The following FBXO42 variants were observed in gnomAD, a reference collection of about 807,000 sequenced individuals.
FBXO42 encodes the protein F-box only protein 42.
In FBXO42, 12 loss-of-function variants were observed where a neutral mutation model predicts 71.7. The ratio of observed to expected loss-of-function variants is 0.17; its 90% CI spans 0.11 to 0.27. FBXO42 has a LOEUF of 0.27. FBXO42 is among the 10% of genes least tolerant of loss of function. The pLI, the probability that FBXO42 is intolerant of heterozygous loss-of-function variation, is 1.00. For synonymous variants in FBXO42, 325 were observed against 327.5 expected (o/e 0.99, Z 0.08); for missense variants, 707 against 911.9 (o/e 0.78, Z 2.89).
At chr1:16,350,745 A>AT (rs2082692650) in intron 1 of FBXO42, among the ~76,000 whole-genome samples, 1 of 21,104 alleles carries the variant, frequency 4.7e-5, no homozygotes, top group Non-Finnish European at 1.3e-4. Context: ...AGAAACTGCA[A>AT]AAAAAAAAAA....
At chr1:16,340,031 G>T (rs1036299088) in intron 1 of FBXO42, among the ~76,000 whole-genome samples, 1 of 152,052 alleles carries the variant, frequency 6.6e-6, no homozygotes, top group Non-Finnish European at 1.5e-5. Flanking sequence ...CAAAAAATTA[G>T]CCAGGCGTGG....
At chr1:16,278,885 T>C (rs1489440510) in intron 4 of FBXO42, among the ~76,000 whole-genome samples, 1 of 152,112 alleles carries the variant, frequency 6.6e-6, no homozygotes, top group Non-Finnish European at 1.5e-5. Flanking sequence ...TTCAACCGAT[T>C]CTCCTGCCTC....
chr1:16,326,040 G>C (rs183482299), intron 1 of FBXO42, among the ~76,000 whole-genome samples: 350 of 150,384 alleles, frequency 2.3e-3, no homozygotes, highest in African/African-American at 7.8e-3. Flanking sequence ...GTGTGTGTGT[G>C]TGTGTGTGTC....
At chr1:16,301,688 A>AC (rs1491167118) in intron 3 of FBXO42, among the ~76,000 whole-genome samples, 3 of 79,018 alleles carry the variant, frequency 3.8e-5, no homozygotes, top group African/African-American at 1.1e-4. Context: ...AAAAAACAAC[A>AC]AAAAAAAAAG....
Position 16,311,504 on chromosome 1 carries a change from ATAT to A in FBXO42, c.250+3662_250+3664del, listed in dbSNP as rs1432213774. 8.7e-3 allele frequency among the ~76,000 whole-genome samples: 432 copies of A among 49,598 alleles called. 3 individuals carry two copies. The highest frequency in any genetic ancestry group is 0.028 in the African/African-American group (393 of 14,020). The allele number at this position is 49,598 out of a possible 152,430, so 32.5% of individuals were successfully genotyped here. ...TCTTGTCTCAAAAAAAAAAAAAAAA[ATAT>A]ATATATATATATATATATATACATA... On this transcript the variant is annotated intron_variant, in intron 2 of 9. Transcript: ENST00000375592.
chr1:16,321,370 A>G (rs1339281259), intron 1 of FBXO42, among the ~76,000 whole-genome samples: 2 of 152,184 alleles, frequency 1.3e-5, no homozygotes, highest in Non-Finnish European at 2.9e-5. Context: ...TATTCCCCCA[A>G]GGATATAGAG....
At chr1:16,346,730 T>C (rs1569956643) in intron 1 of FBXO42, among the ~76,000 whole-genome samples, 1 of 145,586 alleles carries the variant, frequency 6.9e-6, no homozygotes, top group African/African-American at 2.5e-5. Context: ...GTTACTAAGC[T>C]AAATTACTGT....
intron 3 of FBXO42, among the ~76,000 whole-genome samples, chr1:16,296,108 A>G (rs2082126331): frequency 6.6e-6 from 1 of 152,246 alleles, no homozygotes; most frequent in African/African-American, 2.4e-5. Context: ...GAAAAGATGC[A>G]TGAGTGCTAA....
chr1:16,298,054 CT>C (rs2082150212), intron 3 of FBXO42, among the ~76,000 whole-genome samples: 2 of 151,632 alleles, frequency 1.3e-5, no homozygotes, highest in Admixed American at 1.3e-4. Context: ...GGTGAAACCC[CT>C]CTCTACTAAA....
intron 3 of FBXO42, among the ~76,000 whole-genome samples, chr1:16,297,400 G>A (rs1422046122): frequency 6.6e-6 from 1 of 152,150 alleles, no homozygotes; most frequent in Admixed American, 6.6e-5. Context: ...CAGTGGAAGG[G>A]TTAAATCCAA....
intron 2 of FBXO42, among the ~76,000 whole-genome samples, chr1:16,311,052 C>T (rs1297606127): frequency 6.8e-6 from 1 of 147,058 alleles, no homozygotes; most frequent in Non-Finnish European, 1.5e-5. Flanking sequence ...CAACGCCGGG[C>T]ACGGTGGCTC....
intron 4 of FBXO42, among the ~76,000 whole-genome samples, chr1:16,277,379 T>G (rs913868138): frequency 2.0e-5 from 3 of 152,172 alleles, no homozygotes; most frequent in Non-Finnish European, 4.4e-5. Context: ...TCATTCTTTT[T>G]TTTTCTTTTT....
chr1:16,343,077 T>C (rs2082621873), intron 1 of FBXO42, among the ~76,000 whole-genome samples: 1 of 152,176 alleles, frequency 6.6e-6, no homozygotes, highest in African/African-American at 2.4e-5. Context: ...TAATCTCAGG[T>C]ATTCTTTACA....
chr1:16,302,753 G>A (rs183236014), intron 3 of FBXO42, among the ~76,000 whole-genome samples: 387 of 152,274 alleles, frequency 2.5e-3, no homozygotes, highest in Non-Finnish European at 4.1e-3. Context: ...CAAGTGATCC[G>A]CCCTCCTCAG....
intron 6 of FBXO42, among the ~76,000 whole-genome samples, chr1:16,254,934 T>G (rs762876803): frequency 3.6e-4 from 55 of 152,358 alleles, no homozygotes; most frequent in Non-Finnish European, 4.6e-4. Flanking sequence ...TTTTTTTCTT[T>G]TCTTTCCTTC....
chr1:16,275,835 C>A (rs1445131720), intron 4 of FBXO42, among the ~76,000 whole-genome samples: 1 of 151,744 alleles, frequency 6.6e-6, no homozygotes, highest in African/African-American at 2.4e-5. Context: ...ATGGCAAAAC[C>A]CCGTCTCTAC....
Position 16,251,045 on chromosome 1 carries a change from C to G in FBXO42, c.1779G>C (p.Leu593Phe). ...GGATGGGCACTGTTTCTCCACTGCT[C>G]AAACTCTGGCTCCCAGGAGAGCCTG... Reference protein sequence around the residue: ...SSPGSPGSQSLSSGETVPIPR... With the variant: ...SSPGSPGSQSFSSGETVPIPR... The change falls in exon 10 of 10, where the codon TTG becomes TTC. Residue 593 changes from leucine to phenylalanine, a missense_variant. Physicochemically the swap from Leu to Phe is conservative, Grantham distance 22 (BLOSUM62 0). This residue lies in a region of FBXO42 where 482 missense variants were observed against 587.1 expected (regional missense o/e 0.82). Coordinates refer to ENST00000375592, the MANE Select transcript of FBXO42 (RefSeq NM_018994.3). The surrounding 1 kb of genome is among the most constrained non-coding windows in gnomAD (Gnocchi z 4.5). 1 of 1,614,174 alleles carries G rather than the reference C, an allele frequency of 6.2e-7. No homozygotes were observed. The highest frequency in any genetic ancestry group is 8.5e-7 in the Non-Finnish European group (1 of 1,180,040).
chr1:16,266,013 T>A (rs940942754), intron 4 of FBXO42, among the ~76,000 whole-genome samples: 24 of 152,256 alleles, frequency 1.6e-4, no homozygotes, highest in African/African-American at 5.3e-4. Flanking sequence ...ACTTCAGACT[T>A]TTGGGGAGAA....
chr1:16,335,555 T>A (rs2082545109), intron 1 of FBXO42, among the ~76,000 whole-genome samples: 1 of 152,062 alleles, frequency 6.6e-6, no homozygotes, highest in African/African-American at 2.4e-5. Flanking sequence ...AACTTCATGA[T>A]GCAAATCTGG....
Sources: gnomAD v4.1 joint callset for allele counts (sites outside exome capture counted in the v4.1 genomes callset) on GRCh38, gnomAD v4.1.1 for gene constraint, gnomAD v4.1.1 regional missense constraint, Gnocchi (gnomAD v3.1) non-coding constraint, MANE v1.5 for transcripts, NCBI Gene and HGNC (gene_info 2026-07-23, HGNC 2026-07-21) for gene names.